Variants in MCTP2 observed in about 807,000 individuals in gnomAD.
The protein encoded by MCTP2 is multiple C2 and transmembrane domain-containing protein 2.
In MCTP2, 132 loss-of-function variants were observed where a neutral mutation model predicts 111.6. That is an observed-to-expected ratio of 1.18 (90% CI 1.03 to 1.37). The LOEUF is 1.37. Among genes scored for constraint, MCTP2 ranks in the 40% most tolerant of loss-of-function variants. The probability of loss-of-function intolerance (pLI) is 0.00; values close to 1 mark genes in which losing one functional copy is unlikely to be tolerated. For missense variants in MCTP2, 1,183 were observed against 1,067.9 expected (o/e 1.11, Z -1.50); for synonymous variants, 395 against 387.7 (o/e 1.02, Z -0.22).
At chr15:94,316,505 C>T (rs150355020) in intron 4 of MCTP2, among the ~76,000 whole-genome samples, 17 of 152,246 alleles carry the variant, frequency 1.1e-4, no homozygotes, top group African/African-American at 3.6e-4. Flanking sequence ...CACTTGATGC[C>T]TTGGGTTGTT....
chr15:94,386,637 C>A (rs991242339), intron 14 of MCTP2, among the ~76,000 whole-genome samples: 1 of 151,840 alleles, frequency 6.6e-6, no homozygotes, highest in South Asian at 2.1e-4. Context: ...TTGGGATTTC[C>A]CCCCCTTTTT....
chr15:94,423,857 T>G (rs1288566336), intron 17 of MCTP2, among the ~76,000 whole-genome samples: 1 of 152,200 alleles, frequency 6.6e-6, no homozygotes, highest in African/African-American at 2.4e-5. Flanking sequence ...CAAGGGAGTT[T>G]GTAAAACGAT....
intron 1 of MCTP2, among the ~76,000 whole-genome samples, chr15:94,276,718 A>G (rs1174247253): frequency 1.7e-5 from 2 of 119,716 alleles, no homozygotes; most frequent in Admixed American, 8.1e-5. Context: ...TAGAATATCA[A>G]TGTAATTTAC....
intron 19 of MCTP2, 54 bp downstream of exon 19, chr15:94,443,014 A>G: frequency 7.0e-7 from 1 of 1,431,906 alleles, no homozygotes; most frequent in South Asian, 1.2e-5. Context: ...TTGTCAACAG[A>G]TAGCATTCCT....
At chr15:94,366,049 A>G (rs1484199862) in intron 10 of MCTP2, among the ~76,000 whole-genome samples, 1 of 152,188 alleles carries the variant, frequency 6.6e-6, no homozygotes, top group Non-Finnish European at 1.5e-5. Flanking sequence ...TCTAGAAATA[A>G]ATGGTTTAAG....
intron 2 of MCTP2, among the ~76,000 whole-genome samples, chr15:94,299,938 T>C (rs1002867847): frequency 6.6e-6 from 1 of 152,246 alleles, no homozygotes; most frequent in Non-Finnish European, 1.5e-5. Context: ...TATTTGGCAT[T>C]ACGTTTTATA....
chr15:94,423,914 A>G (rs953829719), intron 17 of MCTP2, among the ~76,000 whole-genome samples: 2 of 152,218 alleles, frequency 1.3e-5, no homozygotes, highest in African/African-American at 4.8e-5. Context: ...AAGGTGAAAC[A>G]TCTGTGTACC....
At chr15:94,437,563 AT>A (rs1279866087) in intron 17 of MCTP2, among the ~76,000 whole-genome samples, 2 of 152,112 alleles carry the variant, frequency 1.3e-5, no homozygotes, top group Non-Finnish European at 2.9e-5. Flanking sequence ...CAAGATACCA[AT>A]TATCTTTAAA....
intron 1 of MCTP2, among the ~76,000 whole-genome samples, chr15:94,279,869 G>A (rs886100285): frequency 6.6e-6 from 1 of 152,100 alleles, no homozygotes; most frequent in Non-Finnish European, 1.5e-5. Flanking sequence ...TAATCATGTG[G>A]TTTTTGCTTT....
chr15:94,361,612 G>A (rs1379040488), intron 10 of MCTP2, among the ~76,000 whole-genome samples: 3 of 152,186 alleles, frequency 2.0e-5, no homozygotes, highest in Non-Finnish European at 4.4e-5. Context: ...TTTTCTGCAC[G>A]TAAACTGTAG....
intron 19 of MCTP2, among the ~76,000 whole-genome samples, chr15:94,452,008 T>C (rs2084492621): frequency 6.6e-6 from 1 of 152,202 alleles, no homozygotes; most frequent in Non-Finnish European, 1.5e-5. Context: ...GACAATGATC[T>C]ACATTTTCCA....
intron 1 of MCTP2, among the ~76,000 whole-genome samples, chr15:94,237,840 C>T (rs936490796): frequency 1.1e-4 from 17 of 152,186 alleles, no homozygotes; most frequent in African/African-American, 3.9e-4. Flanking sequence ...TTCAGAGAAC[C>T]TTGCTCTCCA....
At chr15:94,268,564 G>T (rs2073728232) in intron 1 of MCTP2, among the ~76,000 whole-genome samples, 2 of 151,936 alleles carry the variant, frequency 1.3e-5, no homozygotes, top group Non-Finnish European at 2.9e-5. Context: ...TCCCCTTCTT[G>T]TTTTCTCCCT....
intron 14 of MCTP2, among the ~76,000 whole-genome samples, chr15:94,388,514 C>G (rs532723285): frequency 6.6e-6 from 1 of 152,266 alleles, no homozygotes; most frequent in South Asian, 2.1e-4. Context: ...TGCTGTAACC[C>G]TCAATTTAAC....
At chr15:94,359,964 G>C (rs9806430) in intron 10 of MCTP2, among the ~76,000 whole-genome samples, 67,980 of 151,738 alleles carry the variant, frequency 0.45, 15,355 homozygotes, top group Admixed American at 0.5. Context: ...TGTCTGGCAT[G>C]TTGCAGGATG....
rs1253898513 is a variant in MCTP2 at position 94,468,621 on chromosome 15, TTAAAAACAA to T, written c.2361-1708_2361-1700del. ...TATTTTACCTCATAATAGGCAAAGA[TTAAAAACAA>T]TAACACTCAGTCTTTTGTTTTTGAG... On this transcript the variant is annotated intron_variant, in intron 20 of 22. Transcript: ENST00000357742. Among the ~76,000 whole-genome samples the T allele has an allele frequency of 7.9e-5, 12 of 152,298 alleles. No homozygotes were observed. In the South Asian group the frequency reaches 2.1e-3, roughly 26 times the overall value.
At chr15:94,319,624 A>G (rs944087537) in intron 4 of MCTP2, among the ~76,000 whole-genome samples, 2 of 152,224 alleles carry the variant, frequency 1.3e-5, no homozygotes, top group Non-Finnish European at 2.9e-5. Flanking sequence ...GTGTCGGCAC[A>G]TGAGAAGAAA....
chr15:94,287,710 C>T (rs1252112658), intron 1 of MCTP2, among the ~76,000 whole-genome samples: 4 of 152,194 alleles, frequency 2.6e-5, no homozygotes, highest in Non-Finnish European at 4.4e-5. Flanking sequence ...AAGCCATTCT[C>T]CTCATTCATC....
chr15:94,303,079 A>ATATATATATAGTT (rs1395968284), intron 2 of MCTP2, among the ~76,000 whole-genome samples: 14 of 124,086 alleles, frequency 1.1e-4, no homozygotes, highest in African/African-American at 1.8e-4. Flanking sequence ...TATATAGTTT[A>ATATATATATAGTT]TATATATATA....
Sources: allele counts gnomAD v4.1 joint callset (sites outside exome capture counted in the v4.1 genomes callset), GRCh38; gene constraint gnomAD v4.1.1; transcripts MANE v1.5; gene names NCBI Gene and HGNC (gene_info 2026-07-23, HGNC 2026-07-21).